DORIP1: variants seen among roughly 807,000 people sequenced by gnomAD.
The protein encoded by DORIP1 is dopamine receptor-interacting protein 1.
chr14:44,903,025 A>G, the DORIP1 span, among the ~76,000 whole-genome samples: 1 of 152,330 alleles, frequency 6.6e-6, no homozygotes, highest in African/African-American at 2.4e-5. Flanking sequence ...TGAAAATTTC[A>G]TAATTAGTGT....
chr14:44,906,186 C>T, the DORIP1 span: 2 of 151,458 alleles, frequency 1.3e-5, no homozygotes, highest in Non-Finnish European at 2.9e-5. Context: ...GTATTATAAA[C>T]CTGCCAGTGG....
At chr14:44,900,563 C>G in the DORIP1 span, 1 of 1,611,518 alleles carries the variant, frequency 6.2e-7, no homozygotes, top group Non-Finnish European at 8.5e-7. Context: ...AAAGCAGTAT[C>G]CTGTACACCA....
the DORIP1 span, among the ~76,000 whole-genome samples, chr14:44,899,512 C>G: frequency 6.6e-6 from 1 of 152,106 alleles, no homozygotes; most frequent in Non-Finnish European, 1.5e-5. Context: ...CATGATTACT[C>G]CTCATGCTGT....
chr14:44,903,696 GACT>G, the DORIP1 span: 2 of 975,624 alleles, frequency 2.0e-6, no homozygotes, highest in Non-Finnish European at 2.4e-6. Flanking sequence ...AATTTTCTGT[GACT>G]ACATTATTGT....
the DORIP1 span, chr14:44,903,970 C>A: frequency 1.0e-6 from 1 of 976,590 alleles, no homozygotes; most frequent in Non-Finnish European, 1.2e-6. Flanking sequence ...GATCCATATA[C>A]TTAATACCTC....
At chr14:44,901,438 C>G in the DORIP1 span, among the ~76,000 whole-genome samples, 1 of 152,148 alleles carries the variant, frequency 6.6e-6, no homozygotes, top group Admixed American at 6.6e-5. Context: ...TCTGCAGGTC[C>G]CCTGAAAACA....
At chr14:44,899,536 A>G in the DORIP1 span, among the ~76,000 whole-genome samples, 2 of 152,118 alleles carry the variant, frequency 1.3e-5, no homozygotes, top group African/African-American at 4.8e-5. Context: ...TCAAAGCTAA[A>G]TGTCAGAATT....
At chr14:44,903,070 A>T in the DORIP1 span, 23 of 567,614 alleles carry the variant, frequency 4.1e-5, 1 homozygote, top group African/African-American at 4.1e-4. Flanking sequence ...ATCTGCAAGA[A>T]ATTCTGAATG....
At chr14:44,899,823 A>ATTTT in the DORIP1 span, among the ~76,000 whole-genome samples, 808 of 134,412 alleles carry the variant, frequency 6.0e-3, 77 homozygotes, top group African/African-American at 0.026. Context: ...TTCATTTAGG[A>ATTTT]ATTTTTTTTT....
chr14:44,903,128 T>A, the DORIP1 span: 1 of 1,011,630 alleles, frequency 9.9e-7, no homozygotes, highest in Non-Finnish European at 1.5e-6. Flanking sequence ...AATAAAGGAC[T>A]GAGCTGTAAA....
At chr14:44,903,707 T>C in the DORIP1 span, 2 of 967,882 alleles carry the variant, frequency 2.1e-6, no homozygotes, top group Non-Finnish European at 2.5e-6. Flanking sequence ...ACTACATTAT[T>C]GTATAATGAG....
At chr14:44,905,648 C>T in the DORIP1 span, 6 of 826,258 alleles carry the variant, frequency 7.3e-6, no homozygotes, top group Non-Finnish European at 8.8e-6. Flanking sequence ...GAAAATAGTT[C>T]AACTATACTA....
At chr14:44,900,873 CAT>C in the DORIP1 span, 1 of 1,614,026 alleles carries the variant, frequency 6.2e-7, no homozygotes, top group Non-Finnish European at 8.5e-7. Flanking sequence ...TTGAAAATCT[CAT>C]GTCTACCATT....
chr14:44,904,360 A>G, the DORIP1 span: 1 of 1,583,840 alleles, frequency 6.3e-7, no homozygotes, highest in Non-Finnish European at 8.6e-7. Flanking sequence ...CTTTGTCCCA[A>G]GTGTAATAAT....
the DORIP1 span, chr14:44,900,421 C>T: frequency 1.4e-6 from 2 of 1,441,938 alleles, no homozygotes; most frequent in South Asian, 3.4e-5. Flanking sequence ...CTGTTTTAAA[C>T]TTTTAAAATG....
the DORIP1 span, chr14:44,899,397 T>G: frequency 6.6e-6 from 1 of 152,208 alleles, no homozygotes; most frequent in African/African-American, 2.4e-5. Flanking sequence ...AGTTAAAAAT[T>G]ATAGTATATC....
At chr14:44,901,028 C>T in the DORIP1 span, 37 of 1,452,944 alleles carry the variant, frequency 2.5e-5, no homozygotes, top group Middle Eastern at 3.6e-4. Flanking sequence ...GATATGTAGT[C>T]GTGTACCCCA....
the DORIP1 span, among the ~76,000 whole-genome samples, chr14:44,901,142 T>C: frequency 6.6e-6 from 1 of 152,224 alleles, no homozygotes; most frequent in Admixed American, 6.5e-5. Flanking sequence ...AGACTTACCA[T>C]TTTGTTAAAA....
the DORIP1 span, chr14:44,900,960 G>A: frequency 1.3e-6 from 2 of 1,561,830 alleles, no homozygotes; most frequent in Non-Finnish European, 8.6e-7. Context: ...TTAATATAAA[G>A]TAAGTTGGTC....
Sources: allele counts gnomAD v4.1 joint callset (sites outside exome capture counted in the v4.1 genomes callset), GRCh38; gene constraint gnomAD v4.1.1; transcripts MANE v1.5; gene names NCBI Gene and HGNC (gene_info 2026-07-23, HGNC 2026-07-21).